Variants in ARPC1B observed in about 807,000 individuals in gnomAD.
ARPC1B encodes actin-related protein 2/3 complex subunit 1B.
A neutral mutation model predicts 46.0 loss-of-function variants in ARPC1B; 29 were observed. The observed-to-expected ratio is 0.63, with a 90% CI of 0.47 to 0.86. The LOEUF (loss-of-function observed/expected upper bound fraction) is 0.86, where lower values mean the gene tolerates loss of function less well. Ranked by LOEUF, ARPC1B falls within the 40% of genes least tolerant of loss-of-function variation. The pLI is 0.00. For missense variants in ARPC1B, 469 were observed against 529.4 expected (o/e 0.89, Z 1.12); for synonymous variants, 201 against 213.9 (o/e 0.94, Z 0.53).
In ARPC1B at chr7:99,386,595, G is replaced by A. The variant is rs1368444269; in HGVS notation, c.65-90G>A. ...GGAGAGACTGAGTCATGAAAGGTGAGGTGTTGTTGCCTAGGTGCACTGTGT... is the reference window on the plus strand; with the variant it reads ...GGAGAGACTGAGTCATGAAAGGTGAAGTGTTGTTGCCTAGGTGCACTGTGT... On this transcript the variant is annotated intron_variant, in intron 2 of 9. Transcript: ENST00000646101. 3.0e-6 allele frequency: 3 copies of A among 1,000,512 alleles called. No homozygotes were observed. The African/African-American group carries it at 4.8e-5, about 16-fold the overall frequency. 62.0% of individuals were successfully genotyped at this position (1,000,512 alleles called of 1,614,324 possible).
chr7:99,381,591 CGTGCATGTACACAT>C (rs996830323), intron 1 of ARPC1B, among the ~76,000 whole-genome samples: 1 of 152,094 alleles, frequency 6.6e-6, no homozygotes, highest in African/African-American at 2.4e-5. Flanking sequence ...GTCCCTGCCC[CGTGCATGTACACAT>C]GTGCATGTGT....
chr7:99,391,700 T>TGAG (rs1253846602), intron 7 of ARPC1B, among the ~76,000 whole-genome samples: 3 of 145,220 alleles, frequency 2.1e-5, no homozygotes, highest in Non-Finnish European at 4.5e-5. Flanking sequence ...GCTTCTGAAC[T>TGAG]GAGCTATGGT....
chr7:99,391,238 C>T lies in ARPC1B; in HGVS notation c.768C>T (p.Asn256=), dbSNP rs1430594160. ...TGGCGCTGACCTTCATCACAGACAA[C>T]AGCCTGGTGGCAGCGGTGAGGAATA... is the stretch of plus-strand genomic sequence containing the variant. ...PLLALTFITD[N]SLVAAGHDCF... Residue 256 remains asparagine (N), a synonymous_variant, in exon 7 of 10, where the codon AAC becomes AAT. Transcript: ENST00000646101. 6.2e-7 allele frequency: 1 copy of T among 1,613,916 alleles called. No individual in the cohort carries two copies. Among genetic ancestry groups the T allele is most frequent in the African/African-American group, 1.3e-5 (1 of 74,906 alleles).
rs1256029497 is a variant in ARPC1B at position 99,394,455 on chromosome 7, T to TG, written c.1087dup (p.Glu363GlyfsTer95). 2 of 1,613,808 alleles carry TG rather than the reference T, an allele frequency of 1.2e-6. No individual in the cohort carries two copies. Among genetic ancestry groups the TG allele is most frequent in the Non-Finnish European group, 1.7e-6 (2 of 1,179,776 alleles). ...GTCCGTTCTGCCTCCCTGCAGAGCT[T>TG]GGAGTCAGCCTTGAAGGACCTCAAG... On this transcript the variant is annotated frameshift_variant, in exon 10 of 10. Transcript: ENST00000646101. LOFTEE classifies it high-confidence loss of function.
intron 3 of ARPC1B, among the ~76,000 whole-genome samples, chr7:99,387,421 G>A (rs1039512750): frequency 2.0e-5 from 3 of 151,604 alleles, no homozygotes; most frequent in African/African-American, 4.9e-5. Context: ...ATGGCAGAGC[G>A]AGACTGTGTC....
chr7:99,385,860 G>C (rs1423635623), intron 2 of ARPC1B, 82 bp downstream of exon 2: 2 of 1,410,228 alleles, frequency 1.4e-6, no homozygotes, highest in East Asian at 2.4e-5. Flanking sequence ...GGGGACTCTG[G>C]AGCAGCCAGG....
intron 1 of ARPC1B, among the ~76,000 whole-genome samples, chr7:99,383,131 C>T (rs1485049562): frequency 6.6e-6 from 1 of 152,194 alleles, no homozygotes; most frequent in African/African-American, 2.4e-5. Flanking sequence ...AGGCATGAGC[C>T]ACCGTGCCTG....
At chr7:99,375,595 C>T (rs1386290977) in intron 1 of ARPC1B, among the ~76,000 whole-genome samples, 1 of 152,210 alleles carries the variant, frequency 6.6e-6, no homozygotes, top group African/African-American at 2.4e-5. Context: ...AGACCTCCCC[C>T]TGCCTCCTCT....
chr7:99,392,459 G>C (rs911370157), intron 7 of ARPC1B, among the ~76,000 whole-genome samples: 9 of 152,212 alleles, frequency 5.9e-5, no homozygotes, highest in African/African-American at 2.2e-4. Context: ...TGAGCTCCCA[G>C]GGAGTCCCAA....
chr7:99,376,361 A>G (rs1794030802), intron 1 of ARPC1B: 1 of 152,056 alleles, frequency 6.6e-6, no homozygotes, highest in South Asian at 2.1e-4. Context: ...GAAATGCAAT[A>G]CTGCAAGACA....
At chr7:99,375,801 G>T (rs960414670) in intron 1 of ARPC1B, among the ~76,000 whole-genome samples, 1 of 152,172 alleles carries the variant, frequency 6.6e-6, no homozygotes, top group African/African-American at 2.4e-5. Flanking sequence ...TGTGGCTCAT[G>T]CCTGTAATCC....
intron 5 of ARPC1B, among the ~76,000 whole-genome samples, 189 bp downstream of exon 5, chr7:99,390,201 G>C (rs1794526061): frequency 6.6e-6 from 1 of 152,188 alleles, no homozygotes; most frequent in Non-Finnish European, 1.5e-5. Context: ...CAGCTGGATG[G>C]GCCTCTGCCC....
chr7:99,388,176 C>T lies in ARPC1B; in HGVS notation c.307C>T (p.Arg103Cys), dbSNP rs1468403934. Residue 103 changes from arginine to cysteine, a missense_variant, in exon 4 of 10, where the codon CGC (arginine) becomes TGC (cysteine). Arg to Cys is a radical substitution (Grantham distance 180). Coordinates refer to ENST00000646101, the MANE Select transcript of ARPC1B (RefSeq NM_005720.4). ...GATCAACCGGGCTGCCCGCTGCGTG[C>T]GCTGGGCCCCCAACGAGAACAAGTT... ...LRINRAARCV[R>C]WAPNENKFAV... 5 of 1,614,110 alleles carry T rather than the reference C, an allele frequency of 3.1e-6. No homozygotes were observed. Among genetic ancestry groups the T allele is most frequent in the African/African-American group, 1.3e-5 (1 of 74,946 alleles).
At chr7:99,387,981 T>C in intron 3 of ARPC1B, 58 bp from the exon 4 acceptor site, 1 of 1,208,904 alleles carries the variant, frequency 8.3e-7, no homozygotes, top group Non-Finnish European at 1.2e-6. Flanking sequence ...GTGGCCACCA[T>C]ACAGCCACCT....
chr7:99,391,399 A>G (rs1217112529), intron 7 of ARPC1B, 146 bp downstream of exon 7: 4 of 881,442 alleles, frequency 4.5e-6, no homozygotes, highest in Middle Eastern at 3.5e-4. Flanking sequence ...TGGGCAGAAC[A>G]GGTTGGGTTA....
At position 99,392,706 on chromosome 7, in the gene ARPC1B, C is replaced by A. The variant is rs559957157; in HGVS notation, c.819C>A (p.Asp273Glu). ...GCTTCCCGGTGCTGTTCACCTATGA[C>A]GCCGCCGCGGGGATGCTGAGCTTCG... is the stretch of plus-strand genomic sequence containing the variant. Reference protein sequence around the residue: ...HDCFPVLFTYDAAAGMLSFGG... With the variant: ...HDCFPVLFTYEAAAGMLSFGG... Residue 273 changes from aspartate (D) to glutamate (E), a missense_variant, in exon 8 of 10, where the codon GAC becomes GAA. Asp to Glu is a conservative substitution (Grantham distance 45). Transcript: ENST00000646101. The A allele has an allele frequency of 6.5e-7, 1 of 1,545,884 alleles. No homozygotes were observed. Among genetic ancestry groups the A allele is most frequent in the South Asian group, 1.2e-5 (1 of 83,866 alleles).
At chr7:99,378,853 T>C (rs989717012) in intron 1 of ARPC1B, among the ~76,000 whole-genome samples, 3 of 135,206 alleles carry the variant, frequency 2.2e-5, no homozygotes, top group African/African-American at 8.8e-5. Flanking sequence ...CTCGGCTCAC[T>C]GCAAGCTCCG....
At chr7:99,389,688 G>A in intron 4 of ARPC1B, 1 of 551,138 alleles carries the variant, frequency 1.8e-6, no homozygotes, top group Non-Finnish European at 3.3e-6. Context: ...TGGCCTAAAG[G>A]ATAGAGGGCA....
rs749203834 is a variant in ARPC1B at position 99,394,497 on chromosome 7, G to A, written c.*8G>A. On this transcript the variant is annotated 3_prime_UTR_variant, in exon 10 of 10. Coordinates refer to ENST00000646101, the MANE Select transcript of ARPC1B (RefSeq NM_005720.4). ...GACCTCAAGATCAAATGACCTGTGA[G>A]GAATATGTTGCCTTCATCCTAGCTG... The A allele has an allele frequency of 1.7e-5, 28 of 1,613,946 alleles. No individual in the cohort carries two copies. Among genetic ancestry groups the A allele is most frequent in the Non-Finnish European group, 2.4e-5 (28 of 1,180,034 alleles).
Sources: gnomAD v4.1 joint callset for allele counts (sites outside exome capture counted in the v4.1 genomes callset) on GRCh38, gnomAD v4.1.1 for gene constraint, MANE v1.5 for transcripts, NCBI Gene and HGNC (gene_info 2026-07-23, HGNC 2026-07-21) for gene names.